The following RPS6KA2 variants were observed in gnomAD, a reference collection of about 807,000 sequenced individuals.
RPS6KA2 encodes ribosomal protein S6 kinase alpha-2.
A neutral mutation model predicts 91.8 loss-of-function variants in RPS6KA2; 42 were observed. The ratio of observed to expected loss-of-function variants is 0.46; its 90% confidence interval spans 0.36 to 0.59. The LOEUF (loss-of-function observed/expected upper bound fraction) is 0.59, where lower values mean the gene tolerates loss of function less well. Ranked by LOEUF, RPS6KA2 falls within the 20% of genes least tolerant of loss-of-function variation. The pLI, the probability that RPS6KA2 is intolerant of heterozygous loss-of-function variation, is 0.00. For missense variants in RPS6KA2, 798 were observed against 978.5 expected (o/e 0.82, Z 2.46); for synonymous variants, 414 against 393.6 (o/e 1.05, Z -0.61).
At chr6:166,420,175 T>C (rs1321994154) in intron 17 of RPS6KA2, among the ~76,000 whole-genome samples, 4 of 152,036 alleles carry the variant, frequency 2.6e-5, no homozygotes, top group Non-Finnish European at 5.9e-5. Context: ...TAGTACTCTT[T>C]CCAGACACAT....
chr6:166,681,766 C>G (rs747128571), intron 2 of RPS6KA2, among the ~76,000 whole-genome samples: 1 of 100,042 alleles, frequency 1.0e-5, no homozygotes, highest in Non-Finnish European at 1.9e-5. Context: ...TGTCTTGACC[C>G]TTGTTTGACC....
intron 2 of RPS6KA2, among the ~76,000 whole-genome samples, chr6:166,633,861 G>T (rs987080857): frequency 5.9e-5 from 9 of 152,276 alleles, no homozygotes; most frequent in Admixed American, 4.6e-4. Flanking sequence ...AATATACTAT[G>T]AGTCAGCGGA....
At position 166,852,741 on chromosome 6, in the gene RPS6KA2, A is replaced by G. The variant is rs1214595410; in HGVS notation, c.123+5459T>C. 6.6e-6 allele frequency among the ~76,000 whole-genome samples: 1 copy of G among 152,098 alleles called. No individual in the cohort carries two copies. The highest frequency in any genetic ancestry group is 1.9e-4 in the East Asian group (1 of 5,172). On this transcript the variant is annotated intron_variant, in intron 2 of 21. Transcript: ENST00000503859. The surrounding 1 kb of genome is among the most constrained non-coding windows in gnomAD (Gnocchi z 4.1). ...CAGGAGCTCATCCCTGAGCGCCCAC[A>G]GGCCCCTGGATGTCCCTGTAAGGAG...
At chr6:166,796,419 T>A (rs1422766430) in intron 2 of RPS6KA2, among the ~76,000 whole-genome samples, 3 of 151,890 alleles carry the variant, frequency 2.0e-5, no homozygotes, top group African/African-American at 7.3e-5. Context: ...TAAAACCCTG[T>A]CTCTATTAAA....
chr6:166,532,620 A>G (rs78293945), intron 2 of RPS6KA2, among the ~76,000 whole-genome samples: 16,265 of 151,886 alleles, frequency 0.11, 2,941 homozygotes, highest in African/African-American at 0.37. Context: ...ACTCTTCTAG[A>G]TGACGCCCAT....
intron 2 of RPS6KA2, among the ~76,000 whole-genome samples, chr6:166,802,672 C>G (rs1323346860): frequency 6.6e-6 from 1 of 152,162 alleles, no homozygotes; most frequent in Non-Finnish European, 1.5e-5. Context: ...GAAACTGAGA[C>G]ATGAAAACCA....
intron 2 of RPS6KA2, among the ~76,000 whole-genome samples, chr6:166,716,065 GGAAA>G (rs368354665): frequency 1.4e-4 from 12 of 85,386 alleles, no homozygotes; most frequent in South Asian, 7.4e-4. Flanking sequence ...AAAAAAAGAA[GGAAA>G]GAAAGAAAGA....
chr6:166,470,137 G>A (rs1235150164), intron 10 of RPS6KA2, among the ~76,000 whole-genome samples: 1 of 152,252 alleles, frequency 6.6e-6, no homozygotes, highest in East Asian at 1.9e-4. Flanking sequence ...GGGTTGGAGT[G>A]AGCAAAAGAG....
At chr6:166,789,231 G>A (rs1279346079) in intron 2 of RPS6KA2, among the ~76,000 whole-genome samples, 7 of 152,308 alleles carry the variant, frequency 4.6e-5, no homozygotes, top group African/African-American at 1.4e-4. Flanking sequence ...TGGCTCGGAG[G>A]GTCCTACGCC....
chr6:166,561,446 T>G (rs1446135473), intron 1 of RPS6KA2, among the ~76,000 whole-genome samples: 1 of 151,592 alleles, frequency 6.6e-6, no homozygotes, highest in Non-Finnish European at 1.5e-5. Flanking sequence ...AAGAAGAAAA[T>G]CTGTTGAGCA....
rs530808493 is a variant in RPS6KA2 at position 166,469,852 on chromosome 6, T to C, written c.961A>G (p.Ile321Val). Residue 321 changes from isoleucine to valine, a missense_variant, in exon 11 of 21, where the codon ATA becomes GTA. Coordinates refer to ENST00000265678, the MANE Select transcript of RPS6KA2 (RefSeq NM_021135.6). ...EIKRHPFFVTIDWNTLYRKEI... is the reference protein window; with the variant it reads ...EIKRHPFFVTVDWNTLYRKEI... ...GGCATGCAACTTACGTTCCAGTCTATGGTCACAAAGAAGGGATGGCGCTTA... is the reference window on the plus strand; with the variant it reads ...GGCATGCAACTTACGTTCCAGTCTACGGTCACAAAGAAGGGATGGCGCTTA... 1.7e-5 allele frequency: 28 copies of C among 1,614,094 alleles called. No homozygotes were observed. Among genetic ancestry groups the C allele is most frequent in the African/African-American group, 8.0e-5 (6 of 75,060 alleles).
chr6:166,605,710 G>T (rs1785929918), intron 1 of RPS6KA2, among the ~76,000 whole-genome samples: 1 of 151,986 alleles, frequency 6.6e-6, no homozygotes. Flanking sequence ...CACAAGCACA[G>T]ATACACCTCC....
rs968651926 is a variant in RPS6KA2 at position 166,665,559 on chromosome 6, G to C, written c.124-126775C>G. 2.0e-5 allele frequency among the ~76,000 whole-genome samples: 3 copies of C among 152,084 alleles called. No homozygotes were observed. The highest frequency in any genetic ancestry group is 2.9e-5 in the Non-Finnish European group (2 of 68,028). ...GAGTACAGGAAAGAACAAAGGGACA[G>C]CAGCCAGGGCACAGATGCAAACTAC... On this transcript the variant is annotated intron_variant, in intron 2 of 21. Transcript: ENST00000503859. This position sits in a 1 kb window ranked among gnomAD's most constrained non-coding sequence, Gnocchi z 4.5.
intron 2 of RPS6KA2, among the ~76,000 whole-genome samples, chr6:166,831,453 C>G (rs114381095): frequency 0.019 from 2,864 of 152,116 alleles, 92 homozygotes; most frequent in African/African-American, 0.065. Context: ...CACCTTCCCC[C>G]CTGCCCCTGC....
chr6:166,859,680 G>T (rs1780998634), intron 1 of RPS6KA2, among the ~76,000 whole-genome samples: 1 of 152,150 alleles, frequency 6.6e-6, no homozygotes, highest in Non-Finnish European at 1.5e-5. Flanking sequence ...TGTATTTAGT[G>T]TTCTCTAGTA....
At chr6:166,583,971 G>A (rs3823198) in intron 1 of RPS6KA2, among the ~76,000 whole-genome samples, 1 of 152,054 alleles carries the variant, frequency 6.6e-6, no homozygotes, top group Non-Finnish European at 1.5e-5. Flanking sequence ...TCAACAAAAA[G>A]GCGCATCTTA....
upstream of RPS6KA2, among the ~76,000 whole-genome samples, chr6:166,631,968 C>T (rs971020663): frequency 2.0e-5 from 3 of 151,582 alleles, no homozygotes; most frequent in East Asian, 3.9e-4. Flanking sequence ...GACAGAGAGG[C>T]GGTGGGGACA....
Position 166,612,454 on chromosome 6 carries a change from G to A in RPS6KA2, c.99+14467C>T, listed in dbSNP as rs1315317344. Among the ~76,000 whole-genome samples the A allele has an allele frequency of 1.3e-5, 2 of 152,192 alleles. No individual in the cohort carries two copies. The highest frequency in any genetic ancestry group is 2.9e-5 in the Non-Finnish European group (2 of 68,032). On this transcript the variant is annotated intron_variant, in intron 1 of 20. Transcript: ENST00000265678. The surrounding 1 kb of genome is among the most constrained non-coding windows in gnomAD (Gnocchi z 4.3). ...CCTGGCAAAGCTATAACACACGGTGGCTCCTGCAGACCCCTGGCTCCCCTC... is the reference window on the plus strand; with the variant it reads ...CCTGGCAAAGCTATAACACACGGTGACTCCTGCAGACCCCTGGCTCCCCTC...
intron 2 of RPS6KA2, among the ~76,000 whole-genome samples, chr6:166,839,411 A>C (rs1238499081): frequency 6.6e-6 from 1 of 151,902 alleles, no homozygotes; most frequent in African/African-American, 2.4e-5. Context: ...GTTATGAAGA[A>C]ATGTTTGTTA....
Sources: allele counts gnomAD v4.1 joint callset (sites outside exome capture counted in the v4.1 genomes callset), GRCh38; gene constraint gnomAD v4.1.1; non-coding constraint Gnocchi (gnomAD v3.1); transcripts MANE v1.5; gene names NCBI Gene and HGNC (gene_info 2026-07-23, HGNC 2026-07-21).